The following SORCS1 variants were observed in gnomAD, a reference collection of about 807,000 sequenced individuals.
The protein encoded by SORCS1 is sortilin related VPS10 domain containing receptor 1.
A neutral mutation model predicts 146.1 loss-of-function variants in SORCS1; 60 were observed. The ratio of observed to expected loss-of-function variants is 0.41; its 90% CI spans 0.33 to 0.51. SORCS1 has a LOEUF of 0.51. SORCS1 is among the 20% of genes least tolerant of loss of function. SORCS1 has a pLI of 0.21. For synonymous variants in SORCS1, 637 were observed against 584.0 expected, an observed-to-expected ratio of 1.09 and a Z score of -1.31; for missense variants, 1,352 against 1,487.6, an observed-to-expected ratio of 0.91 and a Z score of 1.50.
At chr10:107,030,166 C>T (rs1958586308) in intron 1 of SORCS1, among the ~76,000 whole-genome samples, 1 of 152,070 alleles carries the variant, frequency 6.6e-6, no homozygotes, top group Admixed American at 6.6e-5. Flanking sequence ...TTTGTTGGGT[C>T]GAGTGCCAGT....
intron 1 of SORCS1, among the ~76,000 whole-genome samples, chr10:106,959,204 G>C (rs918166454): frequency 2.0e-5 from 3 of 152,152 alleles, no homozygotes; most frequent in Non-Finnish European, 1.5e-5. Flanking sequence ...TCTTCTTGCA[G>C]GGCTAGTAAA....
chr10:107,084,119 C>T (rs556059102), intron 1 of SORCS1, among the ~76,000 whole-genome samples: 4 of 140,808 alleles, frequency 2.8e-5, no homozygotes, highest in East Asian at 2.1e-4. Context: ...TTTTTGAGAC[C>T]GAGTCTTGCT....
At chr10:107,073,580 A>C (rs550044317) in intron 1 of SORCS1, among the ~76,000 whole-genome samples, 1 of 152,328 alleles carries the variant, frequency 6.6e-6, no homozygotes, top group Non-Finnish European at 1.5e-5. Context: ...AAATGCTCAC[A>C]ACAATCTATA....
At chr10:107,144,303 G>A (rs1968110858) in intron 1 of SORCS1, among the ~76,000 whole-genome samples, 1 of 152,138 alleles carries the variant, frequency 6.6e-6, no homozygotes, top group Admixed American at 6.6e-5. Flanking sequence ...TTGAGAGGAG[G>A]ACTATTTCTG....
At chr10:106,777,225 T>C (rs1860508904) in intron 3 of SORCS1, among the ~76,000 whole-genome samples, 1 of 152,212 alleles carries the variant, frequency 6.6e-6, no homozygotes, top group Non-Finnish European at 1.5e-5. Flanking sequence ...CTCTAAAGCT[T>C]TCTCTAGGAA....
chr10:106,695,700 CAATT>C (rs1353073422), intron 9 of SORCS1, among the ~76,000 whole-genome samples: 37 of 101,684 alleles, frequency 3.6e-4, no homozygotes, highest in African/African-American at 1.3e-3. Flanking sequence ...TTAATGATAT[CAATT>C]AATGATATTA....
At chr10:106,660,626 T>A (rs906846434) in intron 17 of SORCS1, among the ~76,000 whole-genome samples, 4 of 152,146 alleles carry the variant, frequency 2.6e-5, no homozygotes, top group African/African-American at 7.2e-5. Flanking sequence ...TTAAACTTTT[T>A]AAAAATGTCT....
At chr10:107,002,587 G>T (rs1366721443) in intron 1 of SORCS1, among the ~76,000 whole-genome samples, 1 of 152,154 alleles carries the variant, frequency 6.6e-6, no homozygotes, top group African/African-American at 2.4e-5. Flanking sequence ...AGAACACATA[G>T]CATAGCTTTC....
At chr10:106,665,336 A>G (rs1851044383) in intron 17 of SORCS1, among the ~76,000 whole-genome samples, 1 of 150,380 alleles carries the variant, frequency 6.6e-6, no homozygotes, top group Non-Finnish European at 1.5e-5. Context: ...TAAGGTTCCT[A>G]TCTCCTTACT....
intron 2 of SORCS1, among the ~76,000 whole-genome samples, chr10:106,916,372 G>T (rs1296062345): frequency 1.3e-5 from 2 of 151,288 alleles, no homozygotes; most frequent in Non-Finnish European, 2.9e-5. Flanking sequence ...TATACTATTG[G>T]CTATTCCAGG....
chr10:106,709,769 A>T (rs1317401802), intron 6 of SORCS1, among the ~76,000 whole-genome samples: 2 of 152,170 alleles, frequency 1.3e-5, no homozygotes, highest in Admixed American at 6.5e-5. Flanking sequence ...TTCTTTAAAC[A>T]AGCCTCACAG....
intron 18 of SORCS1, among the ~76,000 whole-genome samples, chr10:106,638,133 T>C (rs1302838493): frequency 6.6e-6 from 1 of 152,166 alleles, no homozygotes; most frequent in Non-Finnish European, 1.5e-5. Flanking sequence ...CTGTTACCAC[T>C]GCATGATGTG....
At chr10:106,743,191 A>G (rs1214575697) in intron 5 of SORCS1, among the ~76,000 whole-genome samples, 2 of 152,008 alleles carry the variant, frequency 1.3e-5, no homozygotes, top group African/African-American at 4.8e-5. Context: ...GAGAGGGAGT[A>G]AAAGAGAACA....
chr10:106,886,697 A>C (rs1402055627), intron 2 of SORCS1, among the ~76,000 whole-genome samples: 1 of 152,224 alleles, frequency 6.6e-6, no homozygotes, highest in Non-Finnish European at 1.5e-5. Context: ...CAACATTCAC[A>C]CATACAGAAA....
intron 5 of SORCS1, among the ~76,000 whole-genome samples, chr10:106,749,794 C>G (rs765449676): frequency 6.6e-6 from 1 of 152,168 alleles, no homozygotes; most frequent in Non-Finnish European, 1.5e-5. Context: ...ACATATGTAA[C>G]CAACCTGAAT....
Position 107,060,165 on chromosome 10 carries a change from G to A in SORCS1, c.559-103585C>T, listed in dbSNP as rs1961046351. On this transcript the variant is annotated intron_variant, in intron 1 of 25. Coordinates refer to ENST00000263054, the MANE Select transcript of SORCS1 (RefSeq NM_052918.5). The surrounding 1 kb of genome is among the most constrained non-coding windows in gnomAD (Gnocchi z 4.1). ...TATCCCATATCAGATATGTACACAT[G>A]CACACTGGAATATTAAAATGTAGAC... is the stretch of plus-strand genomic sequence containing the variant. 6.6e-6 allele frequency among the ~76,000 whole-genome samples: 1 copy of A among 151,770 alleles called. No individual in the cohort carries two copies. The highest frequency in any genetic ancestry group is 2.4e-5 in the African/African-American group (1 of 41,284).
At chr10:107,100,578 G>T (rs1964855263) in intron 1 of SORCS1, among the ~76,000 whole-genome samples, 1 of 152,044 alleles carries the variant, frequency 6.6e-6, no homozygotes, top group Non-Finnish European at 1.5e-5. Context: ...AAGCTATCTT[G>T]TATCTAGGGA....
At chr10:106,623,668 TA>T (rs1292617997) in intron 19 of SORCS1, among the ~76,000 whole-genome samples, 27 of 152,076 alleles carry the variant, frequency 1.8e-4, no homozygotes, top group African/African-American at 6.3e-4. Context: ...TATTTTTATT[TA>T]TTTTTTTATT....
intron 15 of SORCS1, among the ~76,000 whole-genome samples, chr10:106,672,039 A>G (rs1276879505): frequency 3.3e-5 from 5 of 151,872 alleles, no homozygotes; most frequent in Non-Finnish European, 7.4e-5. Context: ...TATCAGACAC[A>G]CTCCTCCTTT....
Sources: allele counts gnomAD v4.1 joint callset (sites outside exome capture counted in the v4.1 genomes callset), GRCh38; gene constraint gnomAD v4.1.1; non-coding constraint Gnocchi (gnomAD v3.1); transcripts MANE v1.5; gene names NCBI Gene and HGNC (gene_info 2026-07-23, HGNC 2026-07-21).